Variants in MACROD2 observed in about 807,000 individuals in gnomAD.
MACROD2 encodes the protein mono-ADP ribosylhydrolase 2, also known as ADP-ribose glycohydrolase MACROD2.
A neutral mutation model predicts 70.4 loss-of-function variants in MACROD2; 36 were observed. The observed-to-expected ratio is 0.51, with a 90% CI of 0.39 to 0.68. MACROD2 has a LOEUF of 0.68. Ranked by LOEUF, MACROD2 falls within the 30% of genes least tolerant of loss-of-function variation. The probability of loss-of-function intolerance (pLI) is 0.00; values close to 1 mark genes in which losing one functional copy is unlikely to be tolerated. For missense variants in MACROD2, 496 were observed against 538.4 expected, an observed-to-expected ratio of 0.92 and a Z score of 0.78; for synonymous variants, 172 against 178.8, an observed-to-expected ratio of 0.96 and a Z score of 0.30.
intron 8 of MACROD2, among the ~76,000 whole-genome samples, chr20:15,695,282 C>T (rs2050351266): frequency 6.6e-6 from 1 of 152,120 alleles, no homozygotes; most frequent in Non-Finnish European, 1.5e-5. Context: ...ATGGGGATTG[C>T]ATTGAATTTG....
chr20:15,613,355 G>C (rs2146713685), intron 8 of MACROD2, among the ~76,000 whole-genome samples: 1 of 152,328 alleles, frequency 6.6e-6, no homozygotes, highest in South Asian at 2.1e-4. Flanking sequence ...ATTTTGGCAT[G>C]TCTGTGTAAT....
intron 3 of MACROD2, among the ~76,000 whole-genome samples, chr20:14,292,375 G>A (rs946765460): frequency 6.6e-6 from 1 of 151,884 alleles, no homozygotes. Context: ...CAGCTAGTGG[G>A]TAGAGGCCAA....
At chr20:14,047,647 G>T (rs1038504641) in intron 2 of MACROD2, among the ~76,000 whole-genome samples, 1 of 152,036 alleles carries the variant, frequency 6.6e-6, no homozygotes, top group Non-Finnish European at 1.5e-5. Flanking sequence ...CAGTAAATTT[G>T]TTTGAAATGG....
At chr20:14,981,607 G>A (rs1448229024) in intron 5 of MACROD2, among the ~76,000 whole-genome samples, 1 of 151,898 alleles carries the variant, frequency 6.6e-6, no homozygotes, top group Non-Finnish European at 1.5e-5. Flanking sequence ...TGTTGTTCTT[G>A]TGATAGTGAA....
chr20:15,225,454 C>G (rs564954155), intron 5 of MACROD2, among the ~76,000 whole-genome samples: 1 of 152,174 alleles, frequency 6.6e-6, no homozygotes, highest in East Asian at 1.9e-4. Context: ...AAGTTTCCTC[C>G]CCATATTCCC....
rs563618549 is a variant in MACROD2 at position 15,575,078 on chromosome 20, A to T, written c.645+75231A>T. On this transcript the variant is annotated intron_variant, in intron 8 of 17. Transcript: ENST00000684519. ...CGTCTTTTACTCATCTAGAAAAGAA[A>T]GGTAGCCATTCTCTCCCAGTGAACA... Among the ~76,000 whole-genome samples, 3 of 152,332 alleles carry T rather than the reference A, an allele frequency of 2.0e-5. No homozygotes were observed. The East Asian group carries it at 5.8e-4, about 29-fold the overall frequency.
intron 5 of MACROD2, among the ~76,000 whole-genome samples, chr20:15,199,341 A>G (rs1390917275): frequency 6.6e-6 from 1 of 152,158 alleles, no homozygotes; most frequent in Non-Finnish European, 1.5e-5. Flanking sequence ...TAGGCAACAG[A>G]AAAAGATCCT....
intron 6 of MACROD2, among the ~76,000 whole-genome samples, chr20:15,249,462 ACT>A (rs1490877926): frequency 6.6e-6 from 1 of 151,792 alleles, no homozygotes; most frequent in African/African-American, 2.4e-5. Context: ...CATAGCATAC[ACT>A]CCTTCCCTCT....
intron 6 of MACROD2, among the ~76,000 whole-genome samples, chr20:15,408,544 G>T (rs1275866288): frequency 6.6e-6 from 1 of 152,254 alleles, no homozygotes; most frequent in Non-Finnish European, 1.5e-5. Context: ...GGCAAAGTGT[G>T]TGAAGATTCC....
intron 8 of MACROD2, among the ~76,000 whole-genome samples, chr20:15,569,751 G>T (rs1256162430): frequency 1.3e-5 from 2 of 152,154 alleles, no homozygotes; most frequent in Non-Finnish European, 2.9e-5. Flanking sequence ...GTTAGTCTGG[G>T]TCACTGAGTA....
At chr20:14,755,143 G>A (rs888020304) in intron 5 of MACROD2, among the ~76,000 whole-genome samples, 30 of 152,164 alleles carry the variant, frequency 2.0e-4, no homozygotes, top group Admixed American at 1.9e-3. Flanking sequence ...GGTGGGTGGA[G>A]AAACCAGAGT....
chr20:15,589,521 T>C (rs2048649543), intron 8 of MACROD2, among the ~76,000 whole-genome samples: 1 of 152,234 alleles, frequency 6.6e-6, no homozygotes, highest in Non-Finnish European at 1.5e-5. Flanking sequence ...TGAACCTACA[T>C]TGACATGTCA....
intron 2 of MACROD2, among the ~76,000 whole-genome samples, chr20:14,071,400 A>G (rs2053840124): frequency 6.6e-6 from 1 of 151,402 alleles, no homozygotes; most frequent in Admixed American, 6.6e-5. Context: ...TGCTGGGACT[A>G]CAGGCACCTA....
intron 8 of MACROD2, among the ~76,000 whole-genome samples, chr20:15,743,858 T>G (rs2051140641): frequency 6.6e-6 from 1 of 152,206 alleles, no homozygotes; most frequent in African/African-American, 2.4e-5. Context: ...ATTCTTTTGA[T>G]TATAGAATAT....
chr20:15,830,033 G>A (rs1033387778), intron 8 of MACROD2, among the ~76,000 whole-genome samples: 1 of 152,166 alleles, frequency 6.6e-6, no homozygotes, highest in African/African-American at 2.4e-5. Context: ...GAACAGAACG[G>A]AGGACGGGTT....
chr20:14,469,883 A>C (rs542384857), intron 3 of MACROD2, among the ~76,000 whole-genome samples: 12 of 151,850 alleles, frequency 7.9e-5, no homozygotes, highest in Non-Finnish European at 1.0e-4. Flanking sequence ...ACGCTTCTTT[A>C]GCTCGGAGGA....
chr20:15,625,116 C>T (rs188562398), intron 8 of MACROD2, among the ~76,000 whole-genome samples: 2 of 152,278 alleles, frequency 1.3e-5, no homozygotes, highest in African/African-American at 4.8e-5. Context: ...TTAGCAGTAG[C>T]TGAATCTAAG....
chr20:14,462,763 T>G (rs1362101519), intron 3 of MACROD2, among the ~76,000 whole-genome samples: 1 of 152,134 alleles, frequency 6.6e-6, no homozygotes, highest in Non-Finnish European at 1.5e-5. Context: ...GGCTAGCCAG[T>G]TTTCCCAGCA....
chr20:15,221,071 C>G (rs1409176338), intron 5 of MACROD2, among the ~76,000 whole-genome samples: 3 of 152,168 alleles, frequency 2.0e-5, no homozygotes, highest in Admixed American at 1.3e-4. Flanking sequence ...AGCCTAGATT[C>G]TGCATTTGTA....
Sources: gnomAD v4.1 joint callset for allele counts (sites outside exome capture counted in the v4.1 genomes callset) on GRCh38, gnomAD v4.1.1 for gene constraint, MANE v1.5 for transcripts, NCBI Gene and HGNC (gene_info 2026-07-23, HGNC 2026-07-21) for gene names.